WDPCP: variants seen among roughly 807,000 people sequenced by gnomAD.
The protein encoded by WDPCP is WD repeat containing planar cell polarity effector, also known as WD repeat-containing and planar cell polarity effector protein fritz homolog.
A neutral mutation model predicts 93.1 loss-of-function variants in WDPCP; 71 were observed. The observed-to-expected ratio is 0.76, with a 90% CI of 0.63 to 0.93. The LOEUF (loss-of-function observed/expected upper bound fraction) is 0.93, where lower values mean the gene tolerates loss of function less well. Ranked by LOEUF, WDPCP falls within the 40% of genes least tolerant of loss-of-function variation. The pLI is 0.00. For synonymous variants in WDPCP, 315 were observed against 315.0 expected (o/e 1.00, Z 0.00); for missense variants, 844 against 887.4 (o/e 0.95, Z 0.62).
chr2:63,546,892 T>C (rs1302695350), intron 1 of WDPCP, among the ~76,000 whole-genome samples: 1 of 151,922 alleles, frequency 6.6e-6, no homozygotes, highest in Non-Finnish European at 1.5e-5. Context: ...TTGGAAATAC[T>C]GCAGAAAACA....
intron 2 of WDPCP, among the ~76,000 whole-genome samples, chr2:63,807,715 A>G (rs1670790320): frequency 6.6e-6 from 1 of 152,216 alleles, no homozygotes; most frequent in Non-Finnish European, 1.5e-5. Flanking sequence ...AAATCTTATC[A>G]CAACAATTTG....
intron 3 of WDPCP, among the ~76,000 whole-genome samples, chr2:63,593,896 T>C (rs1286729615): frequency 1.3e-5 from 2 of 152,252 alleles, no homozygotes; most frequent in African/African-American, 4.8e-5. Context: ...TCTGTTTGTA[T>C]GTCTTCCCTC....
At chr2:63,588,673 C>A, upstream of WDPCP, 1 of 477,734 alleles carries the variant, frequency 2.1e-6, no homozygotes, top group Non-Finnish European at 3.8e-6. Context: ...CGCTATCTCT[C>A]CCGCCAATTG....
At chr2:63,234,862 T>C (rs1026612419) in intron 14 of WDPCP, among the ~76,000 whole-genome samples, 1 of 152,150 alleles carries the variant, frequency 6.6e-6, no homozygotes. Context: ...TTTTATGTTA[T>C]CAGATTAATA....
intron 14 of WDPCP, among the ~76,000 whole-genome samples, chr2:63,240,336 C>T (rs960635210): frequency 6.6e-6 from 1 of 152,040 alleles, no homozygotes; most frequent in African/African-American, 2.4e-5. Flanking sequence ...TGCCACCACC[C>T]CGAGCTAGCT....
chr2:63,584,515 C>CCAATGGAAATGAATTCATTTTCAATG (rs1240291998), intron 1 of WDPCP, among the ~76,000 whole-genome samples: 2 of 151,656 alleles, frequency 1.3e-5, no homozygotes, highest in African/African-American at 4.9e-5. Flanking sequence ...CATTTTCAAT[C>CCAATGGAAATGAATTCATTTTCAATG]AATCCAATGG....
chr2:63,378,573 T>G lies in WDPCP; in HGVS notation c.1625-64A>C, dbSNP rs979063879. On this transcript the variant is annotated intron_variant, in intron 11 of 17. Transcript: ENST00000272321. ...AACTCCTTCAATTACAACAAAATAC[T>G]CATGTTTGCAGTCAGTCAGGTTTTG... 17 of 1,608,008 alleles carry G rather than the reference T, an allele frequency of 1.1e-5. No individual in the cohort carries two copies. In the Admixed American group the frequency reaches 2.3e-4, roughly 22 times the overall value.
intron 12 of WDPCP, among the ~76,000 whole-genome samples, chr2:63,348,192 A>G (rs1243066393): frequency 6.6e-6 from 1 of 152,226 alleles, no homozygotes; most frequent in African/African-American, 2.4e-5. Context: ...AAAGATGGAA[A>G]TAATAGTAAT....
At chr2:63,824,559 A>AC (rs1429376609) in intron 1 of WDPCP, among the ~76,000 whole-genome samples, 9 of 143,266 alleles carry the variant, frequency 6.3e-5, no homozygotes, top group Non-Finnish European at 9.4e-5. Context: ...AAAAAAAAAA[A>AC]AAAACAGGAA....
At chr2:63,288,140 C>A (rs1684146668) in intron 13 of WDPCP, among the ~76,000 whole-genome samples, 1 of 152,150 alleles carries the variant, frequency 6.6e-6, no homozygotes, top group Non-Finnish European at 1.5e-5. Context: ...AGCTATAGGT[C>A]TTTTTATAGC....
intron 3 of WDPCP, among the ~76,000 whole-genome samples, chr2:63,611,034 G>T (rs1377993931): frequency 2.0e-5 from 3 of 152,100 alleles, no homozygotes; most frequent in Non-Finnish European, 2.9e-5. Flanking sequence ...AGAAGCAGAG[G>T]TTGCAAAGAA....
intron 2 of WDPCP, among the ~76,000 whole-genome samples, chr2:63,701,319 A>G (rs1169665910): frequency 4.6e-5 from 7 of 152,180 alleles, no homozygotes; most frequent in African/African-American, 9.6e-5. Flanking sequence ...TCTCACCCCA[A>G]TTAAAACTGG....
intron 3 of WDPCP, among the ~76,000 whole-genome samples, chr2:63,627,046 T>G (rs185874500): frequency 6.6e-6 from 1 of 152,246 alleles, no homozygotes; most frequent in Admixed American, 6.5e-5. Context: ...AAGAATTAGT[T>G]GAATGACACA....
intron 14 of WDPCP, among the ~76,000 whole-genome samples, chr2:63,247,530 T>A (rs1252325007): frequency 6.6e-6 from 1 of 152,170 alleles, no homozygotes; most frequent in Non-Finnish European, 1.5e-5. Flanking sequence ...ATTGGTTCAA[T>A]GTAGACAGCT....
chr2:63,549,080 C>G (rs1705368188), intron 1 of WDPCP, among the ~76,000 whole-genome samples: 1 of 151,616 alleles, frequency 6.6e-6, no homozygotes, highest in Non-Finnish European at 1.5e-5. Flanking sequence ...GAAACCCAGT[C>G]TCTACTAAAA....
rs986343875 is a variant in WDPCP, at chr2:63,601,446, A to G, written n.488+49213T>C. On this transcript the variant is annotated intron_variant and non_coding_transcript_variant, in intron 3 of 4. Transcript: ENST00000467687. ...TGATACCAGATAAGGTAATTTGACA[A>G]TGATACCAGTTAGCTTGTAAGAAAA... 3.3e-5 allele frequency among the ~76,000 whole-genome samples: 5 copies of G among 152,246 alleles called. No individual in the cohort carries two copies. In the East Asian group the frequency reaches 9.6e-4, roughly 29 times the overall value.
chr2:63,529,416 T>TA (rs1308760529), intron 1 of WDPCP, among the ~76,000 whole-genome samples: 1 of 152,234 alleles, frequency 6.6e-6, no homozygotes, highest in African/African-American at 2.4e-5. Context: ...TCAGAGTTTT[T>TA]AGCATGAAGC....
At chr2:63,454,206 G>A (rs1282653841) in intron 6 of WDPCP, among the ~76,000 whole-genome samples, 1 of 151,738 alleles carries the variant, frequency 6.6e-6, no homozygotes, top group Non-Finnish European at 1.5e-5. Context: ...TCCTTTCCAG[G>A]GACATGGATG....
intron 3 of WDPCP, among the ~76,000 whole-genome samples, chr2:63,598,463 A>G (rs1256671866): frequency 2.0e-5 from 3 of 152,214 alleles, no homozygotes; most frequent in Non-Finnish European, 2.9e-5. Flanking sequence ...TCAATTAACT[A>G]GAACTTAATT....
Sources: gnomAD v4.1 joint callset for allele counts (sites outside exome capture counted in the v4.1 genomes callset) on GRCh38, gnomAD v4.1.1 for gene constraint, MANE v1.5 for transcripts, NCBI Gene and HGNC (gene_info 2026-07-23, HGNC 2026-07-21) for gene names.